The following GAB2 variants were observed in gnomAD, a reference collection of about 807,000 sequenced individuals.
GAB2 encodes the protein GRB2 associated binding protein 2.
Under a neutral mutation model 65.5 loss-of-function variants are expected in GAB2, and 26 were observed. The ratio of observed to expected loss-of-function variants is 0.40; its 90% CI spans 0.29 to 0.55. The LOEUF (loss-of-function observed/expected upper bound fraction) is 0.55. Ranked by LOEUF, GAB2 falls within the 20% of genes least tolerant of loss-of-function variation. The pLI, the probability that GAB2 is intolerant of heterozygous loss-of-function variation, is 0.53. For missense variants in GAB2, 884 were observed against 875.8 expected (o/e 1.01, Z -0.12); for synonymous variants, 321 against 329.6 (o/e 0.97, Z 0.28).
At chr11:78,367,378 G>C (rs180824295) in intron 1 of GAB2, among the ~76,000 whole-genome samples, 5 of 152,200 alleles carry the variant, frequency 3.3e-5, no homozygotes, top group Non-Finnish European at 7.4e-5. Context: ...GTGTGCGTGC[G>C]TGCATGTGAT....
chr11:78,324,214 C>T (rs1409733445), intron 1 of GAB2, among the ~76,000 whole-genome samples: 1 of 152,110 alleles, frequency 6.6e-6, no homozygotes, highest in Admixed American at 6.5e-5. Flanking sequence ...ACAAGTATAT[C>T]ATATTCTGGC....
At chr11:78,246,963 TCA>T (rs892233563) in intron 3 of GAB2, among the ~76,000 whole-genome samples, 47 of 152,210 alleles carry the variant, frequency 3.1e-4, no homozygotes, top group African/African-American at 1.1e-3. Context: ...ATCCTAAGAC[TCA>T]CATAGTTTCA....
intron 1 of GAB2, among the ~76,000 whole-genome samples, chr11:78,319,056 G>C (rs1855672268): frequency 6.6e-6 from 1 of 152,086 alleles, no homozygotes; most frequent in African/African-American, 2.4e-5. Context: ...GCACAACAGA[G>C]GTGCTGTGCC....
At chr11:78,363,584 T>A (rs541329032) in intron 1 of GAB2, among the ~76,000 whole-genome samples, 209 of 150,520 alleles carry the variant, frequency 1.4e-3, no homozygotes, top group African/African-American at 5.0e-3. Flanking sequence ...GAAATATATT[T>A]TCTTTTTTTT....
In GAB2 at chr11:78,332,489, A is replaced by C. The variant is rs573264955; in HGVS notation, c.76-51588T>G. The stretch of plus-strand genomic sequence containing the variant: ...ATATAAGCTATGATAGCACAAAAAG[A>C]AGGTAAAAGCCCCAGTGTCCTACAC... On this transcript the variant is annotated intron_variant, in intron 1 of 9. Transcript: ENST00000361507. Among the ~76,000 whole-genome samples, 3 of 152,358 alleles carry C rather than the reference A, an allele frequency of 2.0e-5. No individual in the cohort carries two copies. The South Asian group carries it at 6.2e-4, about 32-fold the overall frequency.
intron 2 of GAB2, among the ~76,000 whole-genome samples, chr11:78,272,803 A>G (rs1866050909): frequency 6.6e-6 from 1 of 152,234 alleles, no homozygotes; most frequent in South Asian, 2.1e-4. Context: ...TTACAAGCCC[A>G]GAGGCCTAGG....
intron 1 of GAB2, among the ~76,000 whole-genome samples, chr11:78,349,748 G>C (rs1856246747): frequency 6.6e-6 from 1 of 151,950 alleles, no homozygotes; most frequent in Admixed American, 6.6e-5. Flanking sequence ...GAGAGTGGGA[G>C]GTGGGGTACA....
At chr11:78,380,823 A>T (rs1462802110) in intron 1 of GAB2, among the ~76,000 whole-genome samples, 1 of 144,512 alleles carries the variant, frequency 6.9e-6, no homozygotes, top group Non-Finnish European at 1.5e-5. Flanking sequence ...CGCCAGAGAT[A>T]AGACCATCTC....
intron 1 of GAB2, among the ~76,000 whole-genome samples, chr11:78,406,508 G>A (rs1309795407): frequency 1.3e-5 from 2 of 152,056 alleles, no homozygotes; most frequent in Non-Finnish European, 2.9e-5. Flanking sequence ...CTCCGAAGTA[G>A]CTGGGATTAC....
At chr11:78,317,558 C>CAAAAAAAA (rs370515492) in intron 1 of GAB2, among the ~76,000 whole-genome samples, 6 of 60,816 alleles carry the variant, frequency 9.9e-5, no homozygotes, top group African/African-American at 3.1e-4. Flanking sequence ...GACTCCGTCT[C>CAAAAAAAA]AAAAAAAAAA....
chr11:78,290,413 C>T (rs1244725903), intron 1 of GAB2, among the ~76,000 whole-genome samples: 1 of 152,184 alleles, frequency 6.6e-6, no homozygotes, highest in African/African-American at 2.4e-5. Flanking sequence ...AGTGTGGGTA[C>T]ATATGACCTG....
chr11:78,234,532 T>C (rs1052610517), intron 3 of GAB2, among the ~76,000 whole-genome samples: 3 of 150,470 alleles, frequency 2.0e-5, no homozygotes, highest in African/African-American at 4.9e-5. Context: ...GAACAGGTTT[T>C]TCCTTTCTCC....
At chr11:78,401,307 C>T (rs907623779) in intron 1 of GAB2, among the ~76,000 whole-genome samples, 6 of 152,168 alleles carry the variant, frequency 3.9e-5, no homozygotes, top group Admixed American at 2.6e-4. Context: ...GTCCCCTACC[C>T]CTAGCCCCTG....
chr11:78,220,008 C>A (rs561293790), intron 9 of GAB2, among the ~76,000 whole-genome samples: 2 of 152,280 alleles, frequency 1.3e-5, no homozygotes, highest in Admixed American at 1.3e-4. Context: ...ATTCCTGGAT[C>A]TGTTGCTGAT....
intron 1 of GAB2, among the ~76,000 whole-genome samples, chr11:78,338,480 T>C (rs1856038786): frequency 6.6e-6 from 1 of 152,224 alleles, no homozygotes; most frequent in South Asian, 2.1e-4. Flanking sequence ...CTGCTTATTC[T>C]AGACTTCTTG....
chr11:78,321,264 T>G (rs553513072), intron 1 of GAB2, among the ~76,000 whole-genome samples: 3 of 152,204 alleles, frequency 2.0e-5, no homozygotes, highest in African/African-American at 7.2e-5. Context: ...GGAACAGATG[T>G]TTCCGACATC....
intron 1 of GAB2, among the ~76,000 whole-genome samples, chr11:78,335,556 T>G (rs767795674): frequency 6.6e-6 from 1 of 152,212 alleles, no homozygotes; most frequent in African/African-American, 2.4e-5. Flanking sequence ...ACTGTAGGTA[T>G]GTGAATTTGT....
At chr11:78,370,261 A>G (rs1406059295) in intron 1 of GAB2, among the ~76,000 whole-genome samples, 5 of 150,650 alleles carry the variant, frequency 3.3e-5, no homozygotes, top group Non-Finnish European at 7.4e-5. Flanking sequence ...CGTCTCAAAA[A>G]AAAAAAAAAA....
At position 78,330,971 on chromosome 11, in the gene GAB2, C is replaced by T. The variant is rs186608389; in HGVS notation, c.76-50070G>A. Among the ~76,000 whole-genome samples, 569 of 151,880 alleles carry T rather than the reference C, an allele frequency of 3.7e-3. 4 individuals carry two copies. The highest frequency in any genetic ancestry group is 0.013 in the African/African-American group (537 of 41,416). ...GGCAGATCATTTGAGGTCAGGAGTTCGAGACCAGACTGGCCAACATGGTAA... is the reference window on the plus strand; with the variant it reads ...GGCAGATCATTTGAGGTCAGGAGTTTGAGACCAGACTGGCCAACATGGTAA... On this transcript the variant is annotated intron_variant, in intron 1 of 9. Coordinates refer to ENST00000361507, the MANE Select transcript of GAB2 (RefSeq NM_080491.3).
Sources: gnomAD v4.1 joint callset for allele counts (sites outside exome capture counted in the v4.1 genomes callset) on GRCh38, gnomAD v4.1.1 for gene constraint, MANE v1.5 for transcripts, NCBI Gene and HGNC (gene_info 2026-07-23, HGNC 2026-07-21) for gene names.